MACROD2: variants seen among roughly 807,000 people sequenced by gnomAD.
The protein encoded by MACROD2 is mono-ADP ribosylhydrolase 2.
A neutral mutation model predicts 70.4 loss-of-function variants in MACROD2; 36 were observed. That is an observed-to-expected ratio of 0.51 (90% CI 0.39 to 0.68). The LOEUF (loss-of-function observed/expected upper bound fraction) is 0.68, where lower values mean the gene tolerates loss of function less well. Ranked by LOEUF, MACROD2 falls within the 30% of genes least tolerant of loss-of-function variation. The probability of loss-of-function intolerance (pLI) is 0.00; values close to 1 mark genes in which losing one functional copy is unlikely to be tolerated. For synonymous variants in MACROD2, 172 were observed against 178.8 expected, an observed-to-expected ratio of 0.96 and a Z score of 0.30; for missense variants, 496 against 538.4, an observed-to-expected ratio of 0.92 and a Z score of 0.78.
At chr20:14,217,239 G>C (rs2081630695) in intron 3 of MACROD2, among the ~76,000 whole-genome samples, 1 of 152,114 alleles carries the variant, frequency 6.6e-6, no homozygotes, top group South Asian at 2.1e-4. Context: ...TTTGTTGAAT[G>C]CTTTTTCTGC....
chr20:14,349,819 T>TC (rs1300024073), intron 3 of MACROD2, among the ~76,000 whole-genome samples: 2 of 148,846 alleles, frequency 1.3e-5, no homozygotes, highest in African/African-American at 4.9e-5. Context: ...TTTTTCTTTT[T>TC]TTTTTTTTTT....
chr20:15,284,937 T>C (rs2077477607), intron 6 of MACROD2, among the ~76,000 whole-genome samples: 1 of 152,244 alleles, frequency 6.6e-6, no homozygotes, highest in Non-Finnish European at 1.5e-5. Context: ...AATAGTACTT[T>C]GATAATGATA....
chr20:15,151,807 CTGTAAGCTGGACCGGG>C (rs2076271919), intron 5 of MACROD2, among the ~76,000 whole-genome samples: 1 of 151,914 alleles, frequency 6.6e-6, no homozygotes, highest in Admixed American at 6.6e-5. Context: ...TGGAACGAAA[CTGTAAGCTGGACCGGG>C]TGTGAGGAGG....
chr20:14,327,024 C>T, intron 3 of MACROD2: 1 of 1,613,664 alleles, frequency 6.2e-7, no homozygotes, highest in Non-Finnish European at 8.5e-7. Context: ...GATTACGGGA[C>T]AGGAAAAGCA....
rs567026317 is a variant in MACROD2 at position 15,176,407 on chromosome 20, C to T, written c.419-53533C>T. On this transcript the variant is annotated intron_variant, in intron 5 of 17. Transcript: ENST00000684519. ...GAGAACTTATGGTGCTTTTTCTGGCCCTGCCCATGGCCACCTATGGACTAA... is the reference window on the plus strand; with the variant it reads ...GAGAACTTATGGTGCTTTTTCTGGCTCTGCCCATGGCCACCTATGGACTAA... Among the ~76,000 whole-genome samples the T allele has an allele frequency of 1.9e-4, 29 of 152,254 alleles. No individual in the cohort carries two copies. The South Asian group carries it at 5.8e-3, about 30-fold the overall frequency.
intron 4 of MACROD2, among the ~76,000 whole-genome samples, chr20:14,650,365 A>G (rs1985618248): frequency 6.6e-6 from 1 of 152,192 alleles, no homozygotes; most frequent in Non-Finnish European, 1.5e-5. Context: ...TCTAAATGAA[A>G]TTGATCTTGA....
chr20:15,548,002 C>T (rs1181340588), intron 8 of MACROD2, among the ~76,000 whole-genome samples: 1 of 152,158 alleles, frequency 6.6e-6, no homozygotes, highest in Non-Finnish European at 1.5e-5. Flanking sequence ...TCACCACATA[C>T]TATGCTTTGG....
intron 8 of MACROD2, among the ~76,000 whole-genome samples, chr20:15,814,896 G>C (rs1284519403): frequency 6.6e-6 from 1 of 152,240 alleles, no homozygotes; most frequent in Admixed American, 6.5e-5. Flanking sequence ...ATCAGATGAA[G>C]TGTGATGATT....
chr20:14,188,517 T>C (rs1378231866), intron 3 of MACROD2, among the ~76,000 whole-genome samples: 1 of 152,166 alleles, frequency 6.6e-6, no homozygotes, highest in Non-Finnish European at 1.5e-5. Context: ...AAAGAGAGCA[T>C]TAGCACTTAA....
At chr20:14,101,208 T>G (rs1266218536) in intron 3 of MACROD2, among the ~76,000 whole-genome samples, 1 of 151,964 alleles carries the variant, frequency 6.6e-6, no homozygotes, top group Non-Finnish European at 1.5e-5. Flanking sequence ...GGCAACAATA[T>G]TAAATTAGTT....
chr20:15,874,584 C>T (rs905202762), intron 9 of MACROD2, among the ~76,000 whole-genome samples: 4 of 152,056 alleles, frequency 2.6e-5, no homozygotes, highest in Non-Finnish European at 2.9e-5. Flanking sequence ...CTGTTGTTTC[C>T]TGACTTTTTA....
chr20:15,216,217 C>T (rs2076808672), intron 5 of MACROD2, among the ~76,000 whole-genome samples: 1 of 151,962 alleles, frequency 6.6e-6, no homozygotes, highest in African/African-American at 2.4e-5. Context: ...GTTTATAACA[C>T]AAAGGGTAAA....
chr20:14,758,597 G>A (rs1369678321), intron 5 of MACROD2, among the ~76,000 whole-genome samples: 4 of 152,110 alleles, frequency 2.6e-5, no homozygotes, highest in Non-Finnish European at 5.9e-5. Context: ...AATCCACTGG[G>A]GGACCCATGC....
intron 8 of MACROD2, among the ~76,000 whole-genome samples, chr20:15,592,559 G>T (rs771841152): frequency 6.6e-6 from 1 of 152,152 alleles, no homozygotes; most frequent in Non-Finnish European, 1.5e-5. Flanking sequence ...TAAAAGATTC[G>T]TCCTTGCCTT....
chr20:15,011,745 T>C (rs1246461602), intron 5 of MACROD2, among the ~76,000 whole-genome samples: 2 of 152,174 alleles, frequency 1.3e-5, no homozygotes, highest in African/African-American at 4.8e-5. Context: ...GAGGCCCTAA[T>C]GTGTTTAAGC....
At position 14,499,925 on chromosome 20, in the gene MACROD2, A is replaced by C. The variant is rs1033519037; in HGVS notation, c.301+6417A>C. 3.9e-5 allele frequency among the ~76,000 whole-genome samples: 6 copies of C among 152,344 alleles called. No individual in the cohort carries two copies. In the South Asian group the frequency reaches 1.0e-3, roughly 26 times the overall value. On this transcript the variant is annotated intron_variant, in intron 4 of 17. Coordinates refer to ENST00000684519, the MANE Select transcript of MACROD2 (RefSeq NM_001351661.2). ...AGAACTAAGTGCAGCCAGAGGCATA[A>C]GTACTTATTTACACATTAATATTTT...
At chr20:15,040,915 T>C (rs1434140649) in intron 5 of MACROD2, among the ~76,000 whole-genome samples, 3 of 152,208 alleles carry the variant, frequency 2.0e-5, no homozygotes, top group Non-Finnish European at 4.4e-5. Context: ...TCTCAACTCC[T>C]TGTATAGAGA....
chr20:15,250,554 G>T (rs2077146463), intron 6 of MACROD2, among the ~76,000 whole-genome samples: 1 of 152,166 alleles, frequency 6.6e-6, no homozygotes, highest in Admixed American at 6.5e-5. Context: ...ATGTAAGAAT[G>T]TATGTGAAAT....
chr20:15,550,737 C>T (rs748122190), intron 8 of MACROD2, among the ~76,000 whole-genome samples: 22 of 152,110 alleles, frequency 1.4e-4, no homozygotes, highest in African/African-American at 3.1e-4. Flanking sequence ...TGTTCCCTGC[C>T]GGGGTAGCAC....
Sources: allele counts gnomAD v4.1 joint callset (sites outside exome capture counted in the v4.1 genomes callset), GRCh38; gene constraint gnomAD v4.1.1; transcripts MANE v1.5; gene names NCBI Gene and HGNC (gene_info 2026-07-23, HGNC 2026-07-21).